The following SLC14A2 variants were observed in gnomAD, a reference collection of about 807,000 sequenced individuals.
SLC14A2 encodes urea transporter 2.
In SLC14A2, 91 loss-of-function variants were observed where a neutral mutation model predicts 104.6. The observed-to-expected ratio is 0.87, with a 90% confidence interval of 0.73 to 1.04. The LOEUF (loss-of-function observed/expected upper bound fraction) is 1.04, where lower values mean the gene tolerates loss of function less well. Among genes scored for constraint, SLC14A2 ranks in the 50% least tolerant of loss-of-function variants. The probability of loss-of-function intolerance (pLI) is 0.00; values close to 1 mark genes in which losing one functional copy is unlikely to be tolerated. For synonymous variants in SLC14A2, 476 were observed against 466.4 expected (o/e 1.02, Z -0.27); for missense variants, 1,189 against 1,156.0 (o/e 1.03, Z -0.41).
intron 10 of SLC14A2, chr18:45,648,086 C>A (rs543156782): frequency 6.6e-6 from 1 of 151,408 alleles, no homozygotes; most frequent in South Asian, 2.1e-4. Flanking sequence ...AAAACATTTA[C>A]CTCATATAAT....
chr18:45,556,820 G>A (rs2044139075), intron 2 of SLC14A2, among the ~76,000 whole-genome samples: 1 of 152,170 alleles, frequency 6.6e-6, no homozygotes, highest in African/African-American at 2.4e-5. Flanking sequence ...TTCCAATATG[G>A]AGCTCCCATA....
At chr18:45,186,415 A>C in the SLC14A2 span, among the ~76,000 whole-genome samples, 1 of 151,710 alleles carries the variant, frequency 6.6e-6, no homozygotes, top group Non-Finnish European at 1.5e-5. Flanking sequence ...TAGGCAAAAA[A>C]ATTAATATTT....
the SLC14A2 span, among the ~76,000 whole-genome samples, chr18:45,184,318 G>A: frequency 6.6e-6 from 1 of 152,134 alleles, no homozygotes; most frequent in African/African-American, 2.4e-5. Flanking sequence ...ATTACCACAG[G>A]TGACCACTAA....
At chr18:45,563,886 G>A (rs1257594289) in intron 2 of SLC14A2, among the ~76,000 whole-genome samples, 2 of 152,156 alleles carry the variant, frequency 1.3e-5, no homozygotes, top group African/African-American at 2.4e-5. Context: ...TATCAACTTT[G>A]GGAAAACCTC....
At chr18:45,615,741 A>C (rs2045055040) in intron 1 of SLC14A2, among the ~76,000 whole-genome samples, 159 bp downstream of exon 1, 1 of 151,988 alleles carries the variant, frequency 6.6e-6, no homozygotes, top group South Asian at 2.1e-4. Flanking sequence ...AATAACACTA[A>C]AATTAACTAC....
At chr18:45,373,466 T>A (rs1474522833) in intron 1 of SLC14A2, among the ~76,000 whole-genome samples, 1 of 152,216 alleles carries the variant, frequency 6.6e-6, no homozygotes, top group Admixed American at 6.5e-5. Flanking sequence ...AAATAGTTCC[T>A]ACAGCCCTCC....
the SLC14A2 span, among the ~76,000 whole-genome samples, chr18:45,189,153 G>A: frequency 2.0e-3 from 300 of 152,292 alleles, no homozygotes; most frequent in Non-Finnish European, 3.1e-3. Flanking sequence ...GATGTGTGAT[G>A]AAAGATACTG....
rs548096608 is a variant in SLC14A2, at chr18:45,476,098, G to A, written c.-124-7135G>A. On this transcript the variant is annotated intron_variant, in intron 1 of 20. Coordinates refer to the SLC14A2 transcript ENST00000586448. ...ATTGATGGTCTTTACAATTTGGTAT[G>A]TTTTTGCAGTGGCTGGTACCGGTTT... 5.0e-4 allele frequency among the ~76,000 whole-genome samples: 76 copies of A among 152,250 alleles called. 1 individual carries two copies. The South Asian group carries it at 0.016, about 31-fold the overall frequency.
At chr18:45,269,371 C>T (rs980998118) in intron 1 of SLC14A2, among the ~76,000 whole-genome samples, 1 of 151,992 alleles carries the variant, frequency 6.6e-6, no homozygotes, top group African/African-American at 2.4e-5. Context: ...TCAAATCCTT[C>T]CATTTAGGGC....
At chr18:45,669,708 G>C (rs918650774) in intron 16 of SLC14A2, among the ~76,000 whole-genome samples, 1 of 152,202 alleles carries the variant, frequency 6.6e-6, no homozygotes, top group Non-Finnish European at 1.5e-5. Flanking sequence ...TGATAGCACA[G>C]AGAAGGAAAC....
rs180811266 is a variant in SLC14A2 at position 45,400,816 on chromosome 18, C to T, written c.-124-82417C>T. Among the ~76,000 whole-genome samples, 41 of 152,216 alleles carry T rather than the reference C, an allele frequency of 2.7e-4. 1 individual carries two copies. The highest frequency in any genetic ancestry group is 2.3e-3 in the Admixed American group (35 of 15,288). Reference sequence around the variant, plus strand: ...TATCAATGCTTACTCATGGATTTCCCTTTTATTCAATGGATCATAACTTGT... The same window carrying T: ...TATCAATGCTTACTCATGGATTTCCTTTTTATTCAATGGATCATAACTTGT... On this transcript the variant is annotated intron_variant, in intron 1 of 20. Transcript: ENST00000586448.
intron 10 of SLC14A2, chr18:45,647,853 A>G (rs534899992): frequency 1.3e-5 from 2 of 152,036 alleles, no homozygotes; most frequent in Non-Finnish European, 2.9e-5. Flanking sequence ...AAAAATCTTT[A>G]TTTTAAAATT....
chr18:45,489,437 G>T (rs1423726289), intron 2 of SLC14A2, among the ~76,000 whole-genome samples: 1 of 152,092 alleles, frequency 6.6e-6, no homozygotes, highest in Non-Finnish European at 1.5e-5. Flanking sequence ...CTTGAATCCA[G>T]GAGACAGACA....
intron 1 of SLC14A2, among the ~76,000 whole-genome samples, chr18:45,368,825 C>T (rs1345531647): frequency 1.3e-5 from 2 of 152,086 alleles, no homozygotes; most frequent in Non-Finnish European, 2.9e-5. Flanking sequence ...CTGAAGTGTT[C>T]CGAGTAAAGT....
chr18:45,325,880 A>G (rs527653677), intron 1 of SLC14A2, among the ~76,000 whole-genome samples: 92 of 152,290 alleles, frequency 6.0e-4, no homozygotes, highest in African/African-American at 2.0e-3. Context: ...CAAAATACAC[A>G]TACAGGGTCT....
At chr18:45,314,330 C>T (rs147768269) in intron 1 of SLC14A2, among the ~76,000 whole-genome samples, 43 of 152,268 alleles carry the variant, frequency 2.8e-4, no homozygotes, top group African/African-American at 9.4e-4. Context: ...GTAGTAAACC[C>T]CTCCTAGTTA....
At chr18:45,251,654 C>T (rs1421686409) in intron 1 of SLC14A2, among the ~76,000 whole-genome samples, 3 of 152,232 alleles carry the variant, frequency 2.0e-5, no homozygotes, top group African/African-American at 2.4e-5. Flanking sequence ...TGTGTCTTCA[C>T]GTGGCCTTCC....
intron 1 of SLC14A2, among the ~76,000 whole-genome samples, chr18:45,259,890 C>T (rs183676335): frequency 1.4e-4 from 22 of 152,198 alleles, no homozygotes; most frequent in South Asian, 4.1e-4. Context: ...GAAAAAATAA[C>T]GGTAGAGCAC....
intron 2 of SLC14A2, among the ~76,000 whole-genome samples, chr18:45,520,144 A>G (rs2043497578): frequency 6.6e-6 from 1 of 152,246 alleles, no homozygotes; most frequent in Non-Finnish European, 1.5e-5. Context: ...TGCTTTAGCC[A>G]TATTCTTGGA....
Sources: gnomAD v4.1 joint callset for allele counts (sites outside exome capture counted in the v4.1 genomes callset) on GRCh38, gnomAD v4.1.1 for gene constraint, MANE v1.5 for transcripts, NCBI Gene and HGNC (gene_info 2026-07-23, HGNC 2026-07-21) for gene names.